Variants in CDH18 observed in about 807,000 individuals in gnomAD.
CDH18 encodes the protein cadherin 18.
CDH18 carries 31 observed loss-of-function variants against 67.9 expected under a neutral mutation model. The observed-to-expected ratio is 0.46, with a 90% CI of 0.34 to 0.62. The LOEUF (loss-of-function observed/expected upper bound fraction) is 0.62, where lower values mean the gene tolerates loss of function less well. Ranked by LOEUF, CDH18 falls within the 20% of genes least tolerant of loss-of-function variation. The pLI, the probability that CDH18 is intolerant of heterozygous loss-of-function variation, is 0.01. For synonymous variants in CDH18, 362 were observed against 347.2 expected (o/e 1.04, Z -0.48); for missense variants, 890 against 975.5 (o/e 0.91, Z 1.17).
chr5:19,828,931 A>G (rs1232160291), intron 3 of CDH18, among the ~76,000 whole-genome samples: 6 of 152,146 alleles, frequency 3.9e-5, no homozygotes, highest in Admixed American at 3.3e-4. Flanking sequence ...CCAGCTACTC[A>G]GCAGGCTGAG....
chr5:19,960,656 T>A (rs1406774730), intron 2 of CDH18, among the ~76,000 whole-genome samples: 1 of 128,768 alleles, frequency 7.8e-6, no homozygotes, highest in Admixed American at 7.3e-5. Context: ...CACGTGTATA[T>A]ATATATACAC....
intron 1 of CDH18, among the ~76,000 whole-genome samples, chr5:20,330,029 G>T (rs1327133694): frequency 6.6e-6 from 1 of 151,924 alleles, no homozygotes; most frequent in Non-Finnish European, 1.5e-5. Flanking sequence ...AAATAGTTAT[G>T]TGTTACCAAC....
chr5:20,543,744 T>A (rs1019188498), intron 1 of CDH18, among the ~76,000 whole-genome samples: 19 of 152,174 alleles, frequency 1.2e-4, no homozygotes, highest in African/African-American at 4.6e-4. Flanking sequence ...ATTACTTTGA[T>A]CTTTCTACTC....
intron 1 of CDH18, among the ~76,000 whole-genome samples, chr5:20,539,241 CA>C (rs1756914681): frequency 6.6e-6 from 1 of 152,082 alleles, no homozygotes; most frequent in Non-Finnish European, 1.5e-5. Context: ...AAAGAAAATT[CA>C]TGGGAAATAA....
chr5:20,303,502 T>A lies in CDH18; in HGVS notation c.-579-47997A>T, dbSNP rs552737223. ...ATGATTCGAACGCTGAGGTGAACAC[T>A]TAGTACTCACATTTTAGCTTCAAAA... is the stretch of plus-strand genomic sequence containing the variant. On this transcript the variant is annotated intron_variant, in intron 1 of 14. Coordinates refer to the CDH18 transcript ENST00000507958. Among the ~76,000 whole-genome samples the A allele has an allele frequency of 1.6e-4, 25 of 152,178 alleles. 2 individuals carry two copies. In the South Asian group the frequency reaches 5.0e-3, roughly 30 times the overall value.
chr5:19,627,704 A>G (rs1751764882), intron 5 of CDH18, among the ~76,000 whole-genome samples: 1 of 152,206 alleles, frequency 6.6e-6, no homozygotes, highest in South Asian at 2.1e-4. Context: ...TTAAATATTT[A>G]CTGGCATGCC....
chr5:20,560,574 G>T (rs951781930), intron 1 of CDH18, among the ~76,000 whole-genome samples: 5 of 150,896 alleles, frequency 3.3e-5, no homozygotes, highest in African/African-American at 1.2e-4. Context: ...ATTCAGAGTG[G>T]AGAAATCTCA....
intron 6 of CDH18, among the ~76,000 whole-genome samples, chr5:19,605,093 A>G (rs1215525025): frequency 1.3e-5 from 2 of 151,952 alleles, no homozygotes; most frequent in Admixed American, 1.3e-4. Flanking sequence ...AATATTATGT[A>G]AAGGAAAAGG....
At chr5:19,614,483 G>A (rs1749510449) in intron 5 of CDH18, among the ~76,000 whole-genome samples, 1 of 151,848 alleles carries the variant, frequency 6.6e-6, no homozygotes, top group Non-Finnish European at 1.5e-5. Context: ...AATTACATTA[G>A]TAGGAATTGA....
chr5:20,473,684 T>A (rs1032731068), intron 1 of CDH18, among the ~76,000 whole-genome samples: 13 of 152,184 alleles, frequency 8.5e-5, no homozygotes, highest in Admixed American at 7.2e-4. Context: ...AAGTGTCTCC[T>A]GAAATGTATC....
chr5:19,865,392 A>G (rs1173239370), intron 2 of CDH18, among the ~76,000 whole-genome samples: 2 of 152,176 alleles, frequency 1.3e-5, no homozygotes, highest in Non-Finnish European at 2.9e-5. Context: ...TTACTTAAAA[A>G]AAACCTCAAT....
chr5:19,723,628 A>T (rs1395530867), intron 4 of CDH18, among the ~76,000 whole-genome samples: 1 of 152,194 alleles, frequency 6.6e-6, no homozygotes, highest in Non-Finnish European at 1.5e-5. Flanking sequence ...GTGGATAGAA[A>T]TGTGATTGTT....
chr5:20,535,538 C>T lies in CDH18; in HGVS notation c.-580+39924G>A, dbSNP rs77232081. The stretch of plus-strand genomic sequence containing the variant: ...CTTTTGCCAAGTAACATAATCTATA[C>T]CAGGAATCACACCTTAAGTGTGGAA... On this transcript the variant is annotated intron_variant, in intron 1 of 14. Coordinates refer to the CDH18 transcript ENST00000507958. Among the ~76,000 whole-genome samples, 753 of 152,120 alleles carry T rather than the reference C, an allele frequency of 5.0e-3. 9 individuals are homozygous for T. Among genetic ancestry groups the T allele is most frequent in the African/African-American group, 0.017 (721 of 41,488 alleles).
intron 3 of CDH18, among the ~76,000 whole-genome samples, chr5:19,795,222 C>T (rs1172148425): frequency 6.6e-6 from 1 of 152,052 alleles, no homozygotes; most frequent in Non-Finnish European, 1.5e-5. Flanking sequence ...CTTCCTTTAT[C>T]ACTAAGAACT....
intron 1 of CDH18, among the ~76,000 whole-genome samples, chr5:20,260,289 ATG>A (rs1010200007): frequency 6.6e-6 from 1 of 151,852 alleles, no homozygotes; most frequent in Admixed American, 6.5e-5. Flanking sequence ...ATGTTGATAA[ATG>A]TTGTCCTATC....
chr5:19,931,061 ATAGTAT>A (rs1793637764), intron 2 of CDH18, among the ~76,000 whole-genome samples: 1 of 152,092 alleles, frequency 6.6e-6, no homozygotes, highest in Admixed American at 6.6e-5. Context: ...AAGTAGACAA[ATAGTAT>A]TAGTCAAACA....
intron 1 of CDH18, among the ~76,000 whole-genome samples, chr5:20,547,285 C>A (rs1450867276): frequency 6.6e-6 from 1 of 151,828 alleles, no homozygotes; most frequent in African/African-American, 2.4e-5. Context: ...TCAAACTGGC[C>A]AGGCATGGTG....
chr5:20,406,818 A>C (rs1466614001), intron 1 of CDH18, among the ~76,000 whole-genome samples: 3 of 152,196 alleles, frequency 2.0e-5, no homozygotes, highest in African/African-American at 7.2e-5. Flanking sequence ...TGCAAGTATA[A>C]GTTCCTTTTG....
intron 1 of CDH18, among the ~76,000 whole-genome samples, chr5:20,369,865 C>T (rs1167755498): frequency 1.3e-5 from 2 of 151,962 alleles, no homozygotes; most frequent in Admixed American, 1.3e-4. Flanking sequence ...TCCATTTTTT[C>T]CTTCAACTTT....
Sources: gnomAD v4.1 joint callset for allele counts (sites outside exome capture counted in the v4.1 genomes callset) on GRCh38, gnomAD v4.1.1 for gene constraint, MANE v1.5 for transcripts, NCBI Gene and HGNC (gene_info 2026-07-23, HGNC 2026-07-21) for gene names.